Variants in MTA3 observed in about 807,000 individuals in gnomAD.
MTA3 encodes the protein metastasis-associated protein MTA3.
MTA3 carries 34 observed loss-of-function variants against 83.5 expected under a neutral mutation model. The observed-to-expected ratio is 0.41, with a 90% CI of 0.31 to 0.54. MTA3 has a LOEUF of 0.54. MTA3 is among the 20% of genes least tolerant of loss of function. The pLI, the probability that MTA3 is intolerant of heterozygous loss-of-function variation, is 0.33. For missense variants in MTA3, 761 were observed against 726.4 expected (o/e 1.05, Z -0.55); for synonymous variants, 303 against 252.7 (o/e 1.20, Z -1.89).
chr2:42,717,125 GAGTTT>G (rs1667083554), intron 14 of MTA3, among the ~76,000 whole-genome samples: 1 of 102,974 alleles, frequency 9.7e-6, no homozygotes, highest in Non-Finnish European at 1.9e-5. Context: ...TTTCAGAAAA[GAGTTT>G]TTTTTTTTTT....
At chr2:42,639,339 A>ATCTTT (rs1687491403) in intron 4 of MTA3, among the ~76,000 whole-genome samples, 1 of 151,982 alleles carries the variant, frequency 6.6e-6, no homozygotes, top group Non-Finnish European at 1.5e-5. Context: ...CATTTTAAAG[A>ATCTTT]AACATTGTGT....
intron 16 of MTA3, among the ~76,000 whole-genome samples, chr2:42,737,732 C>A (rs907148410): frequency 1.3e-5 from 2 of 151,972 alleles, no homozygotes; most frequent in South Asian, 4.2e-4. Flanking sequence ...AATAGAAGCT[C>A]AAGAAGGTTG....
At chr2:42,721,537 C>T (rs972366305) in intron 15 of MTA3, among the ~76,000 whole-genome samples, 12 of 152,022 alleles carry the variant, frequency 7.9e-5, no homozygotes, top group African/African-American at 2.9e-4. Context: ...CCATGTTGCT[C>T]AGGCTGGTCT....
At chr2:42,620,017 T>C (rs936913824) in intron 4 of MTA3, among the ~76,000 whole-genome samples, 2 of 152,028 alleles carry the variant, frequency 1.3e-5, no homozygotes. Context: ...TGAGGTGAAA[T>C]TCATATAACA....
intron 16 of MTA3, among the ~76,000 whole-genome samples, chr2:42,735,626 CT>C (rs1668554542): frequency 6.6e-6 from 1 of 152,136 alleles, no homozygotes; most frequent in African/African-American, 2.4e-5. Context: ...TTTTCTAGAT[CT>C]TTTAAGTGTG....
In MTA3 at chr2:42,748,201, TTGTG is replaced by T. The variant is rs61339061; in HGVS notation, c.1760-5135_1760-5132del. On this transcript the variant is annotated intron_variant, in intron 16 of 16. Coordinates refer to ENST00000405094, the MANE Select transcript of MTA3 (RefSeq NM_001330442.2). The stretch of plus-strand genomic sequence containing the variant: ...GTGCCATCACATCCAGCTAATGTGT[TTGTG>T]TGTGTGTGTGTGTGTGTGTGTGTGT... 4.7e-3 allele frequency among the ~76,000 whole-genome samples: 642 copies of T among 137,698 alleles called. 6 individuals are homozygous for T. The highest frequency in any genetic ancestry group is 0.027 in the Middle Eastern group (7 of 260). 90.3% of individuals were successfully genotyped at this position (137,698 alleles called of 152,430 possible). A position where few individuals can be genotyped will look rare whatever the true frequency, so the allele number is the denominator to read the frequency against.
At chr2:42,548,845 TAATATATA>T (rs1558428366) in intron 2 of MTA3, among the ~76,000 whole-genome samples, 5 of 8,230 alleles carry the variant, frequency 6.1e-4, no homozygotes, top group African/African-American at 2.0e-3. Flanking sequence ...TATATATATA[TAATATATA>T]TATATAATAT....
At chr2:42,664,745 G>A (rs555294877) in intron 8 of MTA3, among the ~76,000 whole-genome samples, 1 of 152,202 alleles carries the variant, frequency 6.6e-6, no homozygotes, top group African/African-American at 2.4e-5. Flanking sequence ...AGAGGGCAGG[G>A]TTGTGGAACT....
chr2:42,517,644 G>A (rs886112069), intron 2 of MTA3, among the ~76,000 whole-genome samples: 18 of 151,404 alleles, frequency 1.2e-4, no homozygotes, highest in African/African-American at 3.6e-4. Context: ...TTTGGGAGGC[G>A]AAGGAAGGTG....
intron 12 of MTA3, among the ~76,000 whole-genome samples, chr2:42,704,558 G>T (rs902471781): frequency 5.9e-5 from 9 of 152,150 alleles, no homozygotes; most frequent in African/African-American, 1.9e-4. Context: ...TACTCTTGTG[G>T]TTTGTTGATT....
intron 3 of MTA3, among the ~76,000 whole-genome samples, chr2:42,607,205 C>T (rs1006810415): frequency 2.0e-5 from 3 of 151,972 alleles, no homozygotes; most frequent in African/African-American, 7.3e-5. Flanking sequence ...GATAAGTGAC[C>T]TGTCATTGTT....
rs1687567475 is a variant in MTA3 at position 42,640,040 on chromosome 2, T to C, written c.318-133T>C. 3 of 638,224 alleles carry C rather than the reference T, an allele frequency of 4.7e-6. No individual in the cohort carries two copies. In the East Asian group the frequency reaches 8.8e-5, roughly 19 times the overall value. The allele number at this position is 638,224 out of a possible 1,614,324, so 39.5% of individuals were successfully genotyped here. ...AGGATTGTAAAGTGGGTCTAAATGG[T>C]TTGAAAAAATATATATTCCTAACTG... is the stretch of plus-strand genomic sequence containing the variant. On this transcript the variant is annotated intron_variant, in intron 4 of 16. Transcript: ENST00000405094.
chr2:42,616,979 G>A (rs1050541407), intron 4 of MTA3, among the ~76,000 whole-genome samples: 1 of 152,140 alleles, frequency 6.6e-6, no homozygotes, highest in Non-Finnish European at 1.5e-5. Context: ...AGGGTGGCTT[G>A]TTCTGAGTCA....
Position 42,608,037 on chromosome 2 carries a change from G to T in MTA3, c.191-1421G>T, listed in dbSNP as rs570340236. The stretch of plus-strand genomic sequence containing the variant: ...GGTTTTCATTAGTGATCTGCATCAT[G>T]AGAGATGCCGTTGTGATTTTTGTCT... On this transcript the variant is annotated intron_variant, in intron 3 of 16. Coordinates refer to ENST00000405094, the MANE Select transcript of MTA3 (RefSeq NM_001330442.2). 2.6e-5 allele frequency among the ~76,000 whole-genome samples: 4 copies of T among 152,360 alleles called. No individual in the cohort carries two copies. The South Asian group carries it at 8.3e-4, about 32-fold the overall frequency.
At position 42,755,053 on chromosome 2, in the gene MTA3, G is replaced by A; in HGVS notation, c.*1654G>A. On this transcript the variant is annotated 3_prime_UTR_variant, in exon 17 of 17. Transcript: ENST00000405094. ...GGCCTGTGTCAGAAGCATTTGGTGA[G>A]AGGGGTGGAGGTGGCAGGCAGGGGT... 1.0e-6 allele frequency: 1 copy of A among 985,638 alleles called. No homozygotes were observed. The highest frequency in any genetic ancestry group is 1.2e-6 in the Non-Finnish European group (1 of 830,100). 61.1% of individuals were successfully genotyped at this position (985,638 alleles called of 1,614,324 possible).
rs901177450 is a variant in MTA3 at position 42,635,754 on chromosome 2, A to G, written c.318-4419A>G. 3.3e-5 allele frequency among the ~76,000 whole-genome samples: 5 copies of G among 152,118 alleles called. No individual in the cohort carries two copies. The East Asian group carries it at 7.7e-4, about 23-fold the overall frequency. On this transcript the variant is annotated intron_variant, in intron 4 of 16. Transcript: ENST00000405094. ...AGGCAAGTTTAATGTCAAACTCTGC[A>G]TCTATAGGAATTTTTCTGTTTTTTT...
intron 4 of MTA3, among the ~76,000 whole-genome samples, chr2:42,638,206 A>T (rs907231433): frequency 6.6e-6 from 1 of 152,154 alleles, no homozygotes; most frequent in African/African-American, 2.4e-5. Context: ...TCAGCTGTTA[A>T]TGAGGGGAAA....
chr2:42,592,833 T>C (rs1681189192), intron 3 of MTA3, among the ~76,000 whole-genome samples: 1 of 152,004 alleles, frequency 6.6e-6, no homozygotes, highest in Non-Finnish European at 1.5e-5. Context: ...CTTTTTTCCT[T>C]AATGAGTAGA....
At chr2:42,620,463 C>T (rs1018426662) in intron 4 of MTA3, among the ~76,000 whole-genome samples, 13 of 152,076 alleles carry the variant, frequency 8.5e-5, no homozygotes, top group African/African-American at 2.9e-4. Flanking sequence ...TACACCTAAA[C>T]CCACTTCTGT....
Sources: allele counts gnomAD v4.1 joint callset (sites outside exome capture counted in the v4.1 genomes callset), GRCh38; gene constraint gnomAD v4.1.1; transcripts MANE v1.5; gene names NCBI Gene and HGNC (gene_info 2026-07-23, HGNC 2026-07-21).